The following FBRSL1 variants were observed in gnomAD, a reference collection of about 807,000 sequenced individuals.
FBRSL1 encodes fibrosin-1-like protein.
A neutral mutation model predicts 89.6 loss-of-function variants in FBRSL1; 51 were observed. The ratio of observed to expected loss-of-function variants is 0.57; its 90% CI spans 0.45 to 0.72. The LOEUF is 0.72. FBRSL1 is among the 30% of genes least tolerant of loss of function. The pLI is 0.00. For missense variants in FBRSL1, 1,618 were observed against 1,451.8 expected (o/e 1.11, Z -1.86); for synonymous variants, 779 against 681.1 (o/e 1.14, Z -2.24).
chr12:132,513,608 C>T (rs971074888), intron 2 of FBRSL1, among the ~76,000 whole-genome samples: 8 of 152,206 alleles, frequency 5.3e-5, no homozygotes, highest in Admixed American at 2.6e-4. Context: ...GGCTGGTCCC[C>T]TCCCATCTGC....
chr12:132,530,435 C>A (rs185239417), intron 4 of FBRSL1, among the ~76,000 whole-genome samples: 2 of 151,796 alleles, frequency 1.3e-5, no homozygotes, highest in Non-Finnish European at 2.9e-5. Context: ...GGGGGAGGGC[C>A]GGGTCTTAAG....
At chr12:132,576,987 C>T in intron 15 of FBRSL1, 56 bp downstream of exon 15, 1 of 1,515,238 alleles carries the variant, frequency 6.6e-7, no homozygotes, top group Non-Finnish European at 8.9e-7. Flanking sequence ...TCGTGCCCAG[C>T]TGAGCCTGCC....
chr12:132,574,460 C>G, intron 13 of FBRSL1, 33 bp from the exon 14 acceptor site: 1 of 1,548,952 alleles, frequency 6.5e-7, no homozygotes, highest in Non-Finnish European at 8.7e-7. Flanking sequence ...GGGGGTGGCA[C>G]CAGCCCCACT....
At chr12:132,519,873 A>C (rs1593320010) in intron 2 of FBRSL1, among the ~76,000 whole-genome samples, 1 of 137,590 alleles carries the variant, frequency 7.3e-6, no homozygotes, top group African/African-American at 2.8e-5. Flanking sequence ...TCACCACTGC[A>C]CTCCAGCCTG....
intron 18 of FBRSL1, 84 bp downstream of exon 18, chr12:132,582,350 C>T (rs2040822657): frequency 2.5e-6 from 3 of 1,216,986 alleles, no homozygotes; most frequent in South Asian, 1.4e-5. Context: ...GTTCCCCCTC[C>T]CCCGTTCCCT....
intron 2 of FBRSL1, among the ~76,000 whole-genome samples, chr12:132,517,323 G>A (rs946855031): frequency 2.6e-5 from 4 of 152,252 alleles, no homozygotes; most frequent in African/African-American, 9.6e-5. Context: ...GAGGAAGGCT[G>A]AGCACCTGGG....
chr12:132,525,741 T>C lies in FBRSL1; in HGVS notation c.497T>C (p.Val166Ala). 1 of 1,549,460 alleles carries C rather than the reference T, an allele frequency of 6.5e-7. No individual in the cohort carries two copies. Among genetic ancestry groups the C allele is most frequent in the Non-Finnish European group, 8.7e-7 (1 of 1,145,882 alleles). ...TGTCTCTCTCTGTCCCAGATGAAGG[T>C]CACCGTGTCCAAAGGGGGCGACCGG... ...VPLQPSKQMK[V>A]TVSKGGDRDS... Residue 166 changes from valine (V) to alanine (A), a missense_variant, in exon 3 of 19, where the codon GTC becomes GCC. Val to Ala is a moderately conservative substitution (Grantham distance 64). Transcript: ENST00000680143.
rs779544436 is a variant in FBRSL1, at chr12:132,581,765, T to C, written c.1937T>C (p.Phe646Ser). Reference sequence around the variant, plus strand: ...GACCCTTTCAGCAGACCGAGCACCTTTGGGGGCCTGGGCAGCCTGAGCAGC... The same window carrying C: ...GACCCTTTCAGCAGACCGAGCACCTCTGGGGGCCTGGGCAGCCTGAGCAGC... ...LTDPFSRPST[F>S]GGLGSLSSHA... Residue 646 changes from phenylalanine to serine, a missense_variant, in exon 17 of 19, where the codon TTT becomes TCT. Coordinates refer to ENST00000680143, the MANE Select transcript of FBRSL1 (RefSeq NM_001367871.1). 24 of 1,549,734 alleles carry C rather than the reference T, an allele frequency of 1.5e-5. 1 individual carries two copies. In the South Asian group the frequency reaches 1.8e-4, roughly 12 times the overall value.
At position 132,490,203 on chromosome 12, in the gene FBRSL1, A is replaced by C. The variant is rs1254047656; in HGVS notation, c.-368A>C. The C allele has an allele frequency of 2.1e-4, 2 of 9,546 alleles. No individual in the cohort carries two copies. Among genetic ancestry groups the C allele is most frequent in the South Asian group, 2.5e-3 (2 of 814 alleles). The allele number at this position is 9,546 out of a possible 1,614,324, so 0.6% of individuals were successfully genotyped here. ...CCGCCGCCTCACGAGCCCGGTGCCC[A>C]GGAGCCCGGCCGCCTCCCGCCTGCC... On this transcript the variant is annotated 5_prime_UTR_variant, in exon 1 of 19. Transcript: ENST00000680143.
In FBRSL1 at chr12:132,583,701, C is replaced by T. The variant is rs886793091; in HGVS notation, c.2932C>T (p.Pro978Ser). 12 of 1,189,926 alleles carry T rather than the reference C, an allele frequency of 1.0e-5. No homozygotes were observed. The highest frequency in any genetic ancestry group is 4.8e-5 in the African/African-American group (3 of 62,640). 73.7% of individuals were successfully genotyped at this position (1,189,926 alleles called of 1,614,324 possible). A position where few individuals can be genotyped will look rare whatever the true frequency, so the allele number is the denominator to read the frequency against. ...CGGGCCGCCGCGGAGCCGGACTACT[C>T]CGCTGGGGGGCCTCGGGCCGGGCGA... ...PPGPPRSRTT[P>S]LGGLGPGEAR... is the part of the protein sequence containing the mutation. The change falls in exon 19 of 19, where the codon CCG becomes TCG. Residue 978 changes from proline (P) to serine (S), a missense_variant. Physicochemically the swap from Pro to Ser is moderately conservative, Grantham distance 74. Coordinates refer to ENST00000680143, the MANE Select transcript of FBRSL1 (RefSeq NM_001367871.1).
intron 2 of FBRSL1, chr12:132,510,888 G>A (rs1281481182): frequency 9.9e-6 from 10 of 1,012,068 alleles, no homozygotes; most frequent in East Asian, 1.0e-4. Context: ...CTGAGTCTAC[G>A]TGCACGCTTG....
At chr12:132,514,654 C>A (rs546308198) in intron 2 of FBRSL1, among the ~76,000 whole-genome samples, 1 of 152,128 alleles carries the variant, frequency 6.6e-6, no homozygotes, top group African/African-American at 2.4e-5. Flanking sequence ...GGATTTGGCA[C>A]GAAGCCTCTC....
At chr12:132,493,202 T>G (rs1409707586) in intron 1 of FBRSL1, among the ~76,000 whole-genome samples, 1 of 152,156 alleles carries the variant, frequency 6.6e-6, no homozygotes, top group African/African-American at 2.4e-5. Flanking sequence ...GAGGGAGATG[T>G]GGCCACCAGG....
At position 132,583,675 on chromosome 12, in the gene FBRSL1, C is replaced by A; in HGVS notation, c.2906C>A (p.Pro969His). 2 of 1,121,532 alleles carry A rather than the reference C, an allele frequency of 1.8e-6. No homozygotes were observed. Among genetic ancestry groups the A allele is most frequent in the South Asian group, 4.3e-5 (1 of 23,274 alleles). 69.5% of individuals were successfully genotyped at this position (1,121,532 alleles called of 1,614,324 possible). ...ACGGCGGCCGGGCCCCCCACGCCCCCCGGGCCGCCGCGGAGCCGGACTACT... is the reference window on the plus strand; with the variant it reads ...ACGGCGGCCGGGCCCCCCACGCCCCACGGGCCGCCGCGGAGCCGGACTACT... ...LVTAAGPPTP[P>H]GPPRSRTTPL... The change falls in exon 19 of 19, where the codon CCC becomes CAC. Residue 969 changes from proline to histidine, a missense_variant. Physicochemically the swap from Pro to His is moderately conservative, Grantham distance 77. Transcript: ENST00000680143.
At chr12:132,497,727 A>G (rs2136375326) in intron 1 of FBRSL1, among the ~76,000 whole-genome samples, 1 of 152,128 alleles carries the variant, frequency 6.6e-6, no homozygotes, top group Non-Finnish European at 1.5e-5. Context: ...TGCTGAGGCA[A>G]CCCCGGGCTG....
intron 4 of FBRSL1, among the ~76,000 whole-genome samples, chr12:132,543,420 G>T (rs371662670): frequency 1.3e-5 from 2 of 152,344 alleles, no homozygotes; most frequent in African/African-American, 4.8e-5. Context: ...TTAACTCTGG[G>T]CTGTGCCCAG....
chr12:132,569,868 A>G (rs1271828267), intron 6 of FBRSL1, 58 bp from the exon 7 acceptor site: 3 of 1,281,638 alleles, frequency 2.3e-6, no homozygotes, highest in Non-Finnish European at 3.0e-6. Flanking sequence ...TCCCTGGGCC[A>G]CAGGAGGGGC....
chr12:132,556,874 C>G (rs1030635387), intron 5 of FBRSL1, among the ~76,000 whole-genome samples: 1 of 152,044 alleles, frequency 6.6e-6, no homozygotes. Context: ...AACCCCCGTC[C>G]CGTGGGAGGT....
chr12:132,495,673 G>A (rs1164372479), intron 1 of FBRSL1, among the ~76,000 whole-genome samples: 2 of 152,218 alleles, frequency 1.3e-5, no homozygotes, highest in African/African-American at 4.8e-5. Flanking sequence ...CCTGGAAGCT[G>A]CATGGATTCC....
Sources: allele counts gnomAD v4.1 joint callset (sites outside exome capture counted in the v4.1 genomes callset), GRCh38; gene constraint gnomAD v4.1.1; transcripts MANE v1.5; gene names NCBI Gene and HGNC (gene_info 2026-07-23, HGNC 2026-07-21).